Variants in CSMD1 observed in about 807,000 individuals in gnomAD.
CSMD1 encodes the protein CUB and sushi domain-containing protein 1.
CSMD1 carries 213 observed loss-of-function variants against 417.5 expected under a neutral mutation model. The observed-to-expected ratio is 0.51, with a 90% CI of 0.46 to 0.57. The LOEUF (loss-of-function observed/expected upper bound fraction) is 0.57, where lower values mean the gene tolerates loss of function less well. CSMD1 is among the 20% of genes least tolerant of loss of function. CSMD1 has a pLI of 0.00. For synonymous variants in CSMD1, 2,862 were observed against 1,736.8 expected, an observed-to-expected ratio of 1.65 and a Z score of -16.11; for missense variants, 6,923 against 4,529.7, an observed-to-expected ratio of 1.53 and a Z score of -15.17.
At chr8:3,097,244 T>A (rs987059452) in intron 46 of CSMD1, among the ~76,000 whole-genome samples, 9 of 152,186 alleles carry the variant, frequency 5.9e-5, no homozygotes, top group Non-Finnish European at 1.2e-4. Flanking sequence ...TGCAGTTCTC[T>A]ACACTCAGCC....
At chr8:3,984,594 A>C (rs891077301) in intron 5 of CSMD1, among the ~76,000 whole-genome samples, 1 of 150,918 alleles carries the variant, frequency 6.6e-6, no homozygotes, top group Non-Finnish European at 1.5e-5. Flanking sequence ...TGGATTCTTC[A>C]AGTAAGAAAA....
At chr8:3,667,843 C>G (rs1217963227) in intron 7 of CSMD1, among the ~76,000 whole-genome samples, 1 of 152,140 alleles carries the variant, frequency 6.6e-6, no homozygotes, top group Non-Finnish European at 1.5e-5. Context: ...CCTGGAGTGT[C>G]TGTATGTTTA....
chr8:4,616,908 T>C (rs1020444474), intron 2 of CSMD1, among the ~76,000 whole-genome samples: 1 of 152,184 alleles, frequency 6.6e-6, no homozygotes, highest in Non-Finnish European at 1.5e-5. Flanking sequence ...TGGATATTAA[T>C]AATATAACAG....
At chr8:4,458,161 T>C (rs1000374973) in intron 2 of CSMD1, among the ~76,000 whole-genome samples, 6 of 152,198 alleles carry the variant, frequency 3.9e-5, no homozygotes, top group African/African-American at 1.4e-4. Flanking sequence ...CTTGAGTGGA[T>C]GCTGATTAAT....
chr8:3,630,430 C>A (rs2117248499), intron 7 of CSMD1, among the ~76,000 whole-genome samples: 1 of 152,220 alleles, frequency 6.6e-6, no homozygotes, highest in Middle Eastern at 3.4e-3. Context: ...TTGGCCCAAA[C>A]CACTGAAACT....
chr8:3,616,643 C>T (rs1306115917), intron 8 of CSMD1, 67 bp downstream of exon 8: 23 of 1,026,198 alleles, frequency 2.2e-5, no homozygotes, highest in Non-Finnish European at 3.4e-5. Flanking sequence ...TTAAATTTAA[C>T]TGCAAGCTGA....
intron 4 of CSMD1, among the ~76,000 whole-genome samples, chr8:4,019,900 T>C (rs906512983): frequency 2.7e-4 from 37 of 136,068 alleles, no homozygotes; most frequent in Admixed American, 1.0e-3. Flanking sequence ...TTCTAAAGAA[T>C]AGCAGTAATT....
intron 1 of CSMD1, among the ~76,000 whole-genome samples, chr8:4,694,788 C>T (rs1189171646): frequency 1.3e-5 from 2 of 152,120 alleles, no homozygotes; most frequent in East Asian, 1.9e-4. Flanking sequence ...CGGGACTGCG[C>T]GTCCTTAACC....
intron 1 of CSMD1, among the ~76,000 whole-genome samples, chr8:4,814,114 G>A (rs559147770): frequency 6.6e-6 from 1 of 152,262 alleles, no homozygotes; most frequent in Non-Finnish European, 1.5e-5. Context: ...ATATATTACG[G>A]CCTCAGCCTA....
At chr8:3,163,080 T>C (rs1017280178) in intron 37 of CSMD1, among the ~76,000 whole-genome samples, 1 of 152,206 alleles carries the variant, frequency 6.6e-6, no homozygotes, top group African/African-American at 2.4e-5. Context: ...CTTTCCATTA[T>C]GAGATGAGCA....
At chr8:4,030,291 C>A (rs539031482) in intron 4 of CSMD1, among the ~76,000 whole-genome samples, 6 of 152,206 alleles carry the variant, frequency 3.9e-5, no homozygotes, top group Non-Finnish European at 8.8e-5. Context: ...TCCATGAGGA[C>A]CGCCACCCAT....
chr8:3,580,466 G>C (rs1021783315), intron 9 of CSMD1, among the ~76,000 whole-genome samples: 2 of 152,176 alleles, frequency 1.3e-5, no homozygotes, highest in East Asian at 3.9e-4. Context: ...CCCCTGGCAA[G>C]CTCTAGGAAT....
At chr8:3,181,035 G>A (rs1341214967) in intron 37 of CSMD1, 75 bp downstream of exon 37, 23 of 867,952 alleles carry the variant, frequency 2.6e-5, no homozygotes, top group Non-Finnish European at 4.1e-5. Context: ...TTTAATAAGA[G>A]CATGATTTAT....
chr8:4,513,019 A>G (rs1285038202), intron 2 of CSMD1, among the ~76,000 whole-genome samples: 1 of 152,236 alleles, frequency 6.6e-6, no homozygotes, highest in Non-Finnish European at 1.5e-5. Flanking sequence ...ATTAATAAGC[A>G]GAGCACAGAT....
intron 41 of CSMD1, among the ~76,000 whole-genome samples, chr8:3,133,571 A>G (rs1335649493): frequency 6.6e-6 from 1 of 152,132 alleles, no homozygotes; most frequent in East Asian, 1.9e-4. Context: ...CCAGGAATGA[A>G]GGGGTTCTGA....
chr8:4,279,431 T>A (rs1796659936), intron 3 of CSMD1, among the ~76,000 whole-genome samples: 1 of 152,210 alleles, frequency 6.6e-6, no homozygotes, highest in Admixed American at 6.6e-5. Context: ...GGCAGTATTG[T>A]CCTTGGATAA....
At chr8:3,853,846 G>A (rs1313364000) in intron 5 of CSMD1, among the ~76,000 whole-genome samples, 5 of 144,410 alleles carry the variant, frequency 3.5e-5, no homozygotes, top group Non-Finnish European at 6.1e-5. Flanking sequence ...TTGTGCACAT[G>A]TACCCTAAAA....
At chr8:3,796,471 T>G (rs914567276) in intron 5 of CSMD1, among the ~76,000 whole-genome samples, 1 of 139,806 alleles carries the variant, frequency 7.2e-6, no homozygotes, top group Non-Finnish European at 1.5e-5. Context: ...CTATCATGTA[T>G]ATAGATATCT....
intron 3 of CSMD1, among the ~76,000 whole-genome samples, chr8:4,116,892 G>C (rs991655770): frequency 1.3e-5 from 2 of 152,026 alleles, no homozygotes; most frequent in Non-Finnish European, 2.9e-5. Flanking sequence ...TAAGCTTTCT[G>C]AAATCAGAAA....
Sources: allele counts gnomAD v4.1 joint callset (sites outside exome capture counted in the v4.1 genomes callset), GRCh38; gene constraint gnomAD v4.1.1; transcripts MANE v1.5; gene names NCBI Gene and HGNC (gene_info 2026-07-23, HGNC 2026-07-21).